The following FOXP1 variants were observed in gnomAD, a reference collection of about 807,000 sequenced individuals.
FOXP1 encodes forkhead box P1.
A neutral mutation model predicts 98.2 loss-of-function variants in FOXP1; 15 were observed. The observed-to-expected ratio is 0.15, with a 90% confidence interval of 0.10 to 0.24. The LOEUF is 0.24. Ranked by LOEUF, FOXP1 falls within the 10% of genes least tolerant of loss-of-function variation. FOXP1 has a pLI of 1.00. For missense variants in FOXP1, 633 were observed against 848.5 expected (o/e 0.75, Z 3.15); for synonymous variants, 371 against 314.5 (o/e 1.18, Z -1.90).
At chr3:71,151,099 C>T (rs1467492500) in intron 6 of FOXP1, among the ~76,000 whole-genome samples, 2 of 152,196 alleles carry the variant, frequency 1.3e-5, no homozygotes, top group Non-Finnish European at 2.9e-5. Context: ...CTTCTTAGCC[C>T]CTTGTTACCA....
At chr3:71,123,871 T>G (rs974282548) in intron 6 of FOXP1, among the ~76,000 whole-genome samples, 2 of 152,190 alleles carry the variant, frequency 1.3e-5, no homozygotes, top group South Asian at 4.1e-4. Flanking sequence ...AATTGTAATG[T>G]TTTTAGTGTT....
intron 2 of FOXP1, among the ~76,000 whole-genome samples, chr3:71,532,397 C>T (rs1206034905): frequency 6.6e-6 from 1 of 152,038 alleles, no homozygotes; most frequent in Non-Finnish European, 1.5e-5. Context: ...ACGGCCGGCA[C>T]AAAGAAACTA....
At chr3:71,233,645 T>C (rs956681945) in intron 5 of FOXP1, among the ~76,000 whole-genome samples, 2 of 150,404 alleles carry the variant, frequency 1.3e-5, no homozygotes, top group Non-Finnish European at 3.0e-5. Context: ...TTTCACCATA[T>C]TGGCCAGGCT....
At chr3:71,417,686 A>G (rs2083318703) in intron 3 of FOXP1, among the ~76,000 whole-genome samples, 1 of 152,062 alleles carries the variant, frequency 6.6e-6, no homozygotes, top group African/African-American at 2.4e-5. Flanking sequence ...GAAACAGTTA[A>G]TGCATCATTT....
chr3:71,015,446 G>A (rs1223127270), intron 12 of FOXP1, 103 bp downstream of exon 12: 6 of 723,128 alleles, frequency 8.3e-6, no homozygotes, highest in Non-Finnish European at 1.5e-5. Context: ...TCTCAAAGGG[G>A]TGAGGTGAAA....
intron 6 of FOXP1, among the ~76,000 whole-genome samples, chr3:71,129,351 C>T (rs954245258): frequency 2.0e-5 from 3 of 152,192 alleles, no homozygotes; most frequent in African/African-American, 7.2e-5. Flanking sequence ...AATACACACA[C>T]ATGCACACAC....
intron 4 of FOXP1, chr3:71,333,919 AAAG>A (rs1441662573): frequency 6.6e-6 from 1 of 152,344 alleles, no homozygotes; most frequent in East Asian, 1.9e-4. Context: ...AACTTGAAAA[AAAG>A]AAAAATCATT....
chr3:71,538,236 T>C (rs2044466366), intron 2 of FOXP1, among the ~76,000 whole-genome samples: 1 of 152,224 alleles, frequency 6.6e-6, no homozygotes, highest in Admixed American at 6.5e-5. Flanking sequence ...TTTTAGTATA[T>C]TCAACGGTTG....
intron 2 of FOXP1, among the ~76,000 whole-genome samples, chr3:71,530,036 G>C (rs1020790587): frequency 7.9e-5 from 12 of 152,106 alleles, no homozygotes; most frequent in Non-Finnish European, 1.5e-5. Flanking sequence ...CTTAACCTGT[G>C]GGATCTGATG....
intron 5 of FOXP1, among the ~76,000 whole-genome samples, chr3:71,279,172 C>CA (rs11308828): frequency 3.2e-4 from 22 of 69,744 alleles, no homozygotes; most frequent in African/African-American, 9.5e-4. Context: ...AACTCCATCT[C>CA]AAAAAAAAAA....
chr3:71,213,078 T>C (rs2064622512), intron 5 of FOXP1, among the ~76,000 whole-genome samples: 1 of 152,160 alleles, frequency 6.6e-6, no homozygotes, highest in South Asian at 2.1e-4. Context: ...TCCAAAGGCA[T>C]GGGCATATAG....
chr3:71,377,530 G>A (rs1205966736), intron 3 of FOXP1, among the ~76,000 whole-genome samples: 3 of 152,154 alleles, frequency 2.0e-5, no homozygotes, highest in African/African-American at 4.8e-5. Context: ...TGAGAAAACT[G>A]AGGCTTAAAA....
chr3:71,368,989 T>C (rs142738254), intron 3 of FOXP1, among the ~76,000 whole-genome samples: 163 of 152,286 alleles, frequency 1.1e-3, no homozygotes, highest in Non-Finnish European at 2.0e-3. Context: ...CTCAAAGAAA[T>C]ACTTATTTCT....
chr3:71,239,679 T>C (rs1293463621), intron 5 of FOXP1, among the ~76,000 whole-genome samples: 1 of 152,232 alleles, frequency 6.6e-6, no homozygotes, highest in African/African-American at 2.4e-5. Context: ...TTGAAGCCCA[T>C]GGTATTTTTG....
In FOXP1 at chr3:71,376,488, T is replaced by C. The variant is rs142192103; in HGVS notation, c.-167-17244A>G. The stretch of plus-strand genomic sequence containing the variant: ...CATTCAAAAGCAATGGTAGTATACA[T>C]TGTTAAGGAATCACCGAAGATGAGA... On this transcript the variant is annotated intron_variant, in intron 3 of 20. Transcript: ENST00000649528. Among the ~76,000 whole-genome samples, 326 of 152,328 alleles carry C rather than the reference T, an allele frequency of 2.1e-3. 1 individual carries two copies. Among genetic ancestry groups the C allele is most frequent in the African/African-American group, 7.6e-3 (317 of 41,578 alleles).
At chr3:71,546,630 A>T (rs562247609) in intron 2 of FOXP1, among the ~76,000 whole-genome samples, 56 of 152,198 alleles carry the variant, frequency 3.7e-4, no homozygotes, top group Middle Eastern at 3.4e-3. Context: ...AACCACCGAG[A>T]TGCTGTTCAT....
chr3:71,575,595 G>A (rs1004483102), intron 2 of FOXP1, among the ~76,000 whole-genome samples: 10 of 152,186 alleles, frequency 6.6e-5, no homozygotes, highest in African/African-American at 2.4e-4. Flanking sequence ...CCCAGGAGGG[G>A]AAGCCACCAG....
intron 11 of FOXP1, among the ~76,000 whole-genome samples, chr3:71,019,023 T>C (rs940619405): frequency 9.9e-5 from 15 of 152,212 alleles, no homozygotes; most frequent in African/African-American, 3.4e-4. Context: ...CTTCTAGCTT[T>C]GCAGTCGTTC....
At chr3:70,986,767 C>A (rs972712477) in intron 14 of FOXP1, among the ~76,000 whole-genome samples, 1 of 152,032 alleles carries the variant, frequency 6.6e-6, no homozygotes, top group Non-Finnish European at 1.5e-5. Context: ...TACACGGAAA[C>A]TAAGGACTCC....
Sources: gnomAD v4.1 joint callset for allele counts (sites outside exome capture counted in the v4.1 genomes callset) on GRCh38, gnomAD v4.1.1 for gene constraint, MANE v1.5 for transcripts, NCBI Gene and HGNC (gene_info 2026-07-23, HGNC 2026-07-21) for gene names.